Variants in C3orf52 observed in about 807,000 individuals in gnomAD.
C3orf52 encodes the protein chromosome 3 open reading frame 52, also known as TPA-induced transmembrane protein.
C3orf52 carries 22 observed loss-of-function variants against 24.8 expected under a neutral mutation model. That is an observed-to-expected ratio of 0.89 (90% CI 0.63 to 1.27). The LOEUF (loss-of-function observed/expected upper bound fraction) is 1.27, where lower values mean the gene tolerates loss of function less well. Among genes scored for constraint, C3orf52 ranks in the 50% most tolerant of loss-of-function variants. C3orf52 has a pLI of 0.00. For missense variants in C3orf52, 265 were observed against 260.7 expected (o/e 1.02, Z -0.11); for synonymous variants, 93 against 100.2 (o/e 0.93, Z 0.43).
downstream of C3orf52, chr3:112,119,675 TCTC>T: frequency 1.7e-6 from 1 of 594,228 alleles, no homozygotes; most frequent in Non-Finnish European, 3.0e-6. Context: ...ATGTCCTCCT[TCTC>T]CTCTCCCATC....
chr3:112,132,930 G>C (rs1014588108), downstream of C3orf52: 1 of 643,048 alleles, frequency 1.6e-6, no homozygotes, highest in African/African-American at 1.9e-5. Flanking sequence ...ATTTAATGTG[G>C]TATCTGGCAC....
intron 1 of C3orf52, among the ~76,000 whole-genome samples, chr3:112,089,065 G>T (rs1333383254): frequency 6.6e-6 from 1 of 152,170 alleles, no homozygotes; most frequent in African/African-American, 2.4e-5. Flanking sequence ...CAATATGGCT[G>T]GGTCAAAAGT....
At chr3:112,130,668 C>T (rs190960221), downstream of C3orf52, 139 of 675,952 alleles carry the variant, frequency 2.1e-4, no homozygotes, top group African/African-American at 2.3e-3. Context: ...TTTCCTCAAG[C>T]ACATGTCGCA....
chr3:112,105,529 C>A (rs1038760976), intron 3 of C3orf52, among the ~76,000 whole-genome samples: 1 of 111,410 alleles, frequency 9.0e-6, no homozygotes, highest in African/African-American at 3.3e-5. Flanking sequence ...ATGCAGAACA[C>A]TTCTTTGGCC....
At chr3:112,094,979 A>G (rs572608070) in intron 2 of C3orf52, among the ~76,000 whole-genome samples, 26 of 152,306 alleles carry the variant, frequency 1.7e-4, no homozygotes, top group African/African-American at 6.3e-4. Flanking sequence ...TTCCTCAGAA[A>G]CTACATTTTC....
At chr3:112,088,526 G>T (rs986112580) in intron 1 of C3orf52, among the ~76,000 whole-genome samples, 1 of 143,830 alleles carries the variant, frequency 7.0e-6, no homozygotes, top group Non-Finnish European at 1.5e-5. Context: ...TGGTTTGTCA[G>T]ATTGAAGATG....
intron 2 of C3orf52, among the ~76,000 whole-genome samples, chr3:112,095,112 C>T (rs2073914079): frequency 6.6e-6 from 1 of 152,180 alleles, no homozygotes; most frequent in African/African-American, 2.4e-5. Flanking sequence ...AGTTTCCTGG[C>T]CAGGCACCAT....
At chr3:112,103,041 G>A in intron 3 of C3orf52, 76 bp downstream of exon 3, 2 of 1,395,794 alleles carry the variant, frequency 1.4e-6, no homozygotes, top group Middle Eastern at 1.8e-4. Context: ...TTGGCATAGA[G>A]CTATAGAGTA....
At chr3:112,102,792 G>C (rs781343233) in intron 2 of C3orf52, 46 bp from the exon 3 acceptor site, 2 of 1,494,938 alleles carry the variant, frequency 1.3e-6, no homozygotes, top group South Asian at 1.3e-5. Context: ...ATTATATGCA[G>C]GTGTTTACTT....
chr3:112,110,079 C>T (rs745402753), intron 4 of C3orf52, among the ~76,000 whole-genome samples: 2 of 152,208 alleles, frequency 1.3e-5, no homozygotes, highest in Non-Finnish European at 2.9e-5. Context: ...CCTGTAATCC[C>T]AGCACTTTGC....
intron 3 of C3orf52, among the ~76,000 whole-genome samples, chr3:112,106,800 T>C (rs2074029595): frequency 1.3e-5 from 2 of 152,198 alleles, no homozygotes; most frequent in African/African-American, 4.8e-5. Context: ...TAAGCCAGCC[T>C]GTGTGACTAC....
chr3:112,094,673 C>A lies in C3orf52; in HGVS notation c.268+1184C>A, dbSNP rs538589065. On this transcript the variant is annotated intron_variant, in intron 2 of 5. Transcript: ENST00000264848. ...ATTTGCATGATACAGTCTTCCACAT[C>A]ATTTAAAGTTCTTTAGGTAGTTACC... is the stretch of plus-strand genomic sequence containing the variant. Among the ~76,000 whole-genome samples the A allele has an allele frequency of 6.0e-4, 91 of 152,328 alleles. 1 individual carries two copies. The highest frequency in any genetic ancestry group is 2.1e-3 in the African/African-American group (87 of 41,578).
In C3orf52 at chr3:112,116,696, G is replaced by A. The variant is rs201307291; in HGVS notation, c.*50G>A. 1.5e-4 allele frequency: 238 copies of A among 1,583,332 alleles called. No individual in the cohort carries two copies. Among genetic ancestry groups the A allele is most frequent in the Non-Finnish European group, 4.3e-6 (5 of 1,163,668 alleles). On this transcript the variant is annotated 3_prime_UTR_variant, in exon 6 of 6. Coordinates refer to ENST00000264848, the MANE Select transcript of C3orf52 (RefSeq NM_024616.3). ...GAAAGCAGTGCTCTACCAAGTCCTGGAGATGAAGGGAATTCACTCTGTTTT... is the reference window on the plus strand; with the variant it reads ...GAAAGCAGTGCTCTACCAAGTCCTGAAGATGAAGGGAATTCACTCTGTTTT...
At chr3:112,103,056 G>T (rs1179858460) in intron 3 of C3orf52, 91 bp downstream of exon 3, 42 of 1,232,538 alleles carry the variant, frequency 3.4e-5, no homozygotes, top group Non-Finnish European at 4.6e-5. Flanking sequence ...AGAGTAAGTA[G>T]CTTCAATTTT....
downstream of C3orf52, among the ~76,000 whole-genome samples, chr3:112,132,372 A>T (rs1301234088): frequency 1.3e-5 from 2 of 152,168 alleles, no homozygotes; most frequent in African/African-American, 4.8e-5. Context: ...ACCCCACTTT[A>T]TACCCTAGAG....
At chr3:112,133,385 A>G (rs1159954715), downstream of C3orf52, 1 of 427,474 alleles carries the variant, frequency 2.3e-6, no homozygotes, top group Non-Finnish European at 4.2e-6. Context: ...CTACCCGTCA[A>G]TGAGAGCTTC....
At chr3:112,130,661 C>A, downstream of C3orf52, 1 of 705,404 alleles carries the variant, frequency 1.4e-6, no homozygotes, top group Middle Eastern at 2.5e-4. Flanking sequence ...AATACTGTTT[C>A]CTCAAGCACA....
chr3:112,100,287 T>G (rs2073960473), intron 2 of C3orf52, among the ~76,000 whole-genome samples: 1 of 152,254 alleles, frequency 6.6e-6, no homozygotes, highest in Admixed American at 6.5e-5. Context: ...TAGCTTAATT[T>G]CTTATATTCT....
At chr3:112,086,654 C>A in intron 1 of C3orf52, 109 bp downstream of exon 1, 2 of 1,385,710 alleles carry the variant, frequency 1.4e-6, no homozygotes, top group Non-Finnish European at 1.9e-6. Context: ...GCGTCGACGG[C>A]GCCGAGCGAG....
Sources: allele counts gnomAD v4.1 joint callset (sites outside exome capture counted in the v4.1 genomes callset), GRCh38; gene constraint gnomAD v4.1.1; transcripts MANE v1.5; gene names NCBI Gene and HGNC (gene_info 2026-07-23, HGNC 2026-07-21).